AZIN2: variants seen among roughly 807,000 people sequenced by gnomAD.
AZIN2 encodes the protein antizyme inhibitor 2.
A neutral mutation model predicts 47.8 loss-of-function variants in AZIN2; 28 were observed. That is an observed-to-expected ratio of 0.59 (90% CI 0.43 to 0.80). The LOEUF is 0.80. AZIN2 is among the 30% of genes least tolerant of loss of function. AZIN2 has a pLI of 0.00. For missense variants in AZIN2, 535 were observed against 582.5 expected (o/e 0.92, Z 0.84); for synonymous variants, 221 against 239.4 (o/e 0.92, Z 0.71).
At chr1:33,156,144 T>A in the AZIN2 span, among the ~76,000 whole-genome samples, 2 of 152,238 alleles carry the variant, frequency 1.3e-5, no homozygotes, top group African/African-American at 4.8e-5. Context: ...CAGTCAAGAC[T>A]GTCACTCCTG....
At chr1:33,087,679 A>G (rs1210205105) in intron 5 of AZIN2, among the ~76,000 whole-genome samples, 2 of 150,340 alleles carry the variant, frequency 1.3e-5, no homozygotes, top group Non-Finnish European at 3.0e-5. Context: ...CTCATGATTC[A>G]CCTGCCTTGG....
At chr1:33,146,396 ACT>A in the AZIN2 span, 1 of 159,576 alleles carries the variant, frequency 6.3e-6, no homozygotes, top group Non-Finnish European at 1.4e-5. Flanking sequence ...GGTTGGCTGG[ACT>A]CTTGTTCAGA....
At position 33,117,757 on chromosome 1, in the gene AZIN2, G is replaced by C; in HGVS notation, c.1030-145G>C. ...TAAGAGGCAACGAATGCAGAGAAGT[G>C]GGAAGGGCCTTAAATGCTAAGCTAG... is the stretch of plus-strand genomic sequence containing the variant. On this transcript the variant is annotated intron_variant, in intron 10 of 11. Transcript: ENST00000294517. 4.5e-6 allele frequency: 4 copies of C among 884,184 alleles called. No homozygotes were observed. The South Asian group carries it at 5.5e-5, about 12-fold the overall frequency. 54.8% of individuals were successfully genotyped at this position (884,184 alleles called of 1,614,324 possible).
chr1:33,159,606 C>T, the AZIN2 span: 1 of 1,494,940 alleles, frequency 6.7e-7, no homozygotes, highest in Non-Finnish European at 8.9e-7. This position sits in a 1 kb window ranked among gnomAD's most constrained non-coding sequence, Gnocchi z 4.2. Context: ...GCTAAGGATC[C>T]CATCTGCCTC....
At chr1:33,147,968 C>T in the AZIN2 span, among the ~76,000 whole-genome samples, 1 of 152,230 alleles carries the variant, frequency 6.6e-6, no homozygotes, top group Non-Finnish European at 1.5e-5. This position sits in a 1 kb window ranked among gnomAD's most constrained non-coding sequence, Gnocchi z 8.1. Flanking sequence ...GCTGCTTGTT[C>T]ACTGCCTGAT....
chr1:33,086,291 A>C (rs1367818305), intron 5 of AZIN2, among the ~76,000 whole-genome samples: 1 of 152,102 alleles, frequency 6.6e-6, no homozygotes, highest in African/African-American at 2.4e-5. Flanking sequence ...TGAGAGATGG[A>C]GGTTCCGCAT....
rs1642783314 is a variant in AZIN2 at position 33,093,335 on chromosome 1, T to TAA, written c.508_509dup (p.Phe171SerfsTer6). 1 of 1,613,978 alleles carries TAA rather than the reference T, an allele frequency of 6.2e-7. No individual in the cohort carries two copies. The highest frequency in any genetic ancestry group is 1.7e-5 in the Admixed American group (1 of 60,006). On this transcript the variant is annotated frameshift_variant, in exon 7 of 12. Transcript: ENST00000294517. LOFTEE classifies it high-confidence loss of function. ...TCCCACTCCCTGAGCTGCCTGAGCC[T>TAA]AAAGTTTGGAGTGTCACTGAAATCC...
chr1:33,148,218 C>T, the AZIN2 span, among the ~76,000 whole-genome samples: 1 of 152,118 alleles, frequency 6.6e-6, no homozygotes, highest in African/African-American at 2.4e-5. Flanking sequence ...AAGTTCTGCC[C>T]CACACCTTCC....
rs1235271260 is a variant in AZIN2 at position 33,092,127 on chromosome 1, A to G, written c.357A>G (p.Ala119=). Residue 119 remains alanine, a synonymous_variant, in exon 6 of 12, where the codon GCA becomes GCG. Transcript: ENST00000294517. ...GCGCCAACCCCTGTAAGCAAATTGCACAGATCAAATATGCTGCCAAGCATG... is the reference window on the plus strand; with the variant it reads ...GCGCCAACCCCTGTAAGCAAATTGCGCAGATCAAATATGCTGCCAAGCATG... ...IICANPCKQI[A]QIKYAAKHGI... is the part of the protein sequence containing the mutation. 1 of 1,614,096 alleles carries G rather than the reference A, an allele frequency of 6.2e-7. No individual in the cohort carries two copies. Among genetic ancestry groups the G allele is most frequent in the Non-Finnish European group, 8.5e-7 (1 of 1,180,042 alleles).
chr1:33,166,006 C>T, the AZIN2 span: 2,573 of 153,272 alleles, frequency 0.017, 48 homozygotes, highest in African/African-American at 0.033. Flanking sequence ...TATTTGCAGC[C>T]GCTCCTCATC....
chr1:33,097,728 G>A (rs186626947), intron 9 of AZIN2, among the ~76,000 whole-genome samples: 1 of 152,280 alleles, frequency 6.6e-6, no homozygotes, highest in East Asian at 1.9e-4. Flanking sequence ...CTCATCCACT[G>A]CCCTATCATG....
intron 8 of AZIN2, 51 bp downstream of exon 8, chr1:33,094,764 G>C (rs532876659): frequency 4.2e-5 from 68 of 1,601,054 alleles, no homozygotes; most frequent in East Asian, 2.0e-4. Context: ...GGGGAGGATA[G>C]GGAGGGATTA....
the AZIN2 span, among the ~76,000 whole-genome samples, chr1:33,133,542 A>G: frequency 6.6e-6 from 1 of 152,226 alleles, no homozygotes; most frequent in Non-Finnish European, 1.5e-5. Flanking sequence ...GCTGATGACC[A>G]GCAGAGTGGA....
the AZIN2 span, chr1:33,165,582 GGCCGGGATGGGGGCAGGGGCCAT>G: frequency 6.3e-7 from 1 of 1,594,750 alleles, no homozygotes; most frequent in Admixed American, 1.7e-5. This position sits in a 1 kb window ranked among gnomAD's most constrained non-coding sequence, Gnocchi z 4.0. Context: ...ACACACACAG[GGCCGGGATGGGGGCAGGGGCCAT>G]GCCTGGCCCA....
Position 33,123,026 on chromosome 1 carries a change from G to A in AZIN2, c.*2844G>A, listed in dbSNP as rs1644823832. On this transcript the variant is annotated 3_prime_UTR_variant, in exon 12 of 12. Transcript: ENST00000294517. The stretch of plus-strand genomic sequence containing the variant: ...CCCACACTTCCCTCTCACGCACTGG[G>A]TCCTGGCCACACTGGCCTCCCCTCT... Among the ~76,000 whole-genome samples, 1 of 152,100 alleles carries A rather than the reference G, an allele frequency of 6.6e-6. No individual in the cohort carries two copies. Among genetic ancestry groups the A allele is most frequent in the Non-Finnish European group, 1.5e-5 (1 of 68,008 alleles).
intron 10 of AZIN2, chr1:33,101,963 T>C (rs374030053): frequency 1.4e-6 from 1 of 736,810 alleles, no homozygotes; most frequent in African/African-American, 1.7e-5. Flanking sequence ...TGTCTTTGGG[T>C]TTTTGCTACT....
intron 10 of AZIN2, among the ~76,000 whole-genome samples, chr1:33,116,526 C>CT (rs1644550395): frequency 6.6e-6 from 1 of 152,072 alleles, no homozygotes; most frequent in Admixed American, 6.6e-5. Context: ...ATTCCCCATT[C>CT]TTTAATTCAT....
chr1:33,101,674 T>G (rs1047530618), intron 10 of AZIN2, among the ~76,000 whole-genome samples: 1 of 152,220 alleles, frequency 6.6e-6, no homozygotes, highest in East Asian at 1.9e-4. Context: ...TCTTGACTCA[T>G]GCATTATCAT....
rs1413252311 is a variant in AZIN2, at chr1:33,123,184, G to T, written c.*3002G>T. 6.6e-6 allele frequency among the ~76,000 whole-genome samples: 1 copy of T among 152,118 alleles called. No individual in the cohort carries two copies. The highest frequency in any genetic ancestry group is 6.5e-5 in the Admixed American group (1 of 15,286). ...TGTTTTCTTTAGGTGAAGCCTTCTG[G>T]ATCACCCTTTAGAAAATAGCATGTC... On this transcript the variant is annotated 3_prime_UTR_variant, in exon 12 of 12. Transcript: ENST00000294517.
Sources: gnomAD v4.1 joint callset for allele counts (sites outside exome capture counted in the v4.1 genomes callset) on GRCh38, gnomAD v4.1.1 for gene constraint, Gnocchi (gnomAD v3.1) non-coding constraint, MANE v1.5 for transcripts, NCBI Gene and HGNC (gene_info 2026-07-23, HGNC 2026-07-21) for gene names.